Variants in ADK observed in about 807,000 individuals in gnomAD.
ADK encodes adenosine kinase.
Under a neutral mutation model 44.7 loss-of-function variants are expected in ADK, and 24 were observed. The ratio of observed to expected loss-of-function variants is 0.54; its 90% CI spans 0.39 to 0.76. The LOEUF is 0.76. Among genes scored for constraint, ADK ranks in the 30% least tolerant of loss-of-function variants. The pLI, the probability that ADK is intolerant of heterozygous loss-of-function variation, is 0.00. For synonymous variants in ADK, 128 were observed against 142.6 expected, an observed-to-expected ratio of 0.90 and a Z score of 0.73; for missense variants, 321 against 425.1, an observed-to-expected ratio of 0.76 and a Z score of 2.15.
At position 74,297,036 on chromosome 10, in the gene ADK, A is replaced by G. The variant is rs113042037; in HGVS notation, c.195-17631A>G. ...TCTAGAGACTAGGTTGTAGCTACCC[A>G]ATGGAAAACTATGTAGCCACTAAAA... On this transcript the variant is annotated intron_variant, in intron 3 of 10. Transcript: ENST00000539909. 7.2e-5 allele frequency among the ~76,000 whole-genome samples: 11 copies of G among 152,348 alleles called. 1 individual carries two copies. Among genetic ancestry groups the G allele is most frequent in the African/African-American group, 2.2e-4 (9 of 41,570 alleles).
chr10:74,180,897 G>A (rs1842530669), intron 1 of ADK, among the ~76,000 whole-genome samples: 2 of 152,186 alleles, frequency 1.3e-5, no homozygotes, highest in African/African-American at 4.8e-5. Context: ...AAATAACTCA[G>A]TAGCAGAGAT....
chr10:74,177,943 A>ATTTT (rs71475261), intron 1 of ADK, among the ~76,000 whole-genome samples: 77 of 56,832 alleles, frequency 1.4e-3, no homozygotes, highest in African/African-American at 2.9e-3. Flanking sequence ...ATATATATAT[A>ATTTT]TATTTTTTTT....
chr10:74,366,590 A>G (rs993623292), intron 4 of ADK, among the ~76,000 whole-genome samples: 1 of 152,212 alleles, frequency 6.6e-6, no homozygotes, highest in Non-Finnish European at 1.5e-5. Flanking sequence ...ATTTGTAGAT[A>G]TGTCATACAT....
chr10:74,389,508 T>G (rs1252579648), intron 4 of ADK, among the ~76,000 whole-genome samples: 1 of 152,168 alleles, frequency 6.6e-6, no homozygotes, highest in African/African-American at 2.4e-5. Context: ...TTTAAAAATC[T>G]ATTTCATTCT....
At chr10:74,667,544 T>C (rs1178364080) in intron 9 of ADK, among the ~76,000 whole-genome samples, 1 of 151,540 alleles carries the variant, frequency 6.6e-6, no homozygotes, top group Non-Finnish European at 1.5e-5. Flanking sequence ...TTTTTTTTTT[T>C]TCCTCCGAGA....
chr10:74,413,748 TGA>T (rs1287333470), intron 6 of ADK, among the ~76,000 whole-genome samples: 1 of 152,228 alleles, frequency 6.6e-6, no homozygotes, highest in Non-Finnish European at 1.5e-5. Flanking sequence ...CTGTTTGTTG[TGA>T]GAGGTCAAAC....
intron 1 of ADK, among the ~76,000 whole-genome samples, chr10:74,165,242 A>G (rs1842005725): frequency 1.3e-5 from 2 of 152,064 alleles, no homozygotes; most frequent in South Asian, 4.1e-4. Context: ...CATATTTTAG[A>G]CTTTTTAGAT....
intron 6 of ADK, among the ~76,000 whole-genome samples, chr10:74,504,502 T>C (rs983235821): frequency 6.6e-6 from 1 of 152,216 alleles, no homozygotes; most frequent in South Asian, 2.1e-4. Flanking sequence ...ACATTAATCA[T>C]TGATGAACAT....
At chr10:74,209,720 C>T (rs1843737463) in intron 2 of ADK, among the ~76,000 whole-genome samples, 1 of 151,450 alleles carries the variant, frequency 6.6e-6, no homozygotes, top group African/African-American at 2.4e-5. Context: ...CTGTCCCTCC[C>T]ACCAAAAAAA....
intron 3 of ADK, among the ~76,000 whole-genome samples, chr10:74,266,740 A>G (rs568844663): frequency 6.6e-6 from 1 of 152,300 alleles, no homozygotes; most frequent in African/African-American, 2.4e-5. Flanking sequence ...CTGTGTTTTA[A>G]AAGTAATAGT....
chr10:74,647,007 T>C (rs1214997103), intron 9 of ADK, among the ~76,000 whole-genome samples: 2 of 152,066 alleles, frequency 1.3e-5, no homozygotes, highest in African/African-American at 4.8e-5. Context: ...GGTTAGAGTC[T>C]CCTCCCCATC....
At chr10:74,630,923 G>A (rs1853391958) in intron 9 of ADK, among the ~76,000 whole-genome samples, 1 of 141,684 alleles carries the variant, frequency 7.1e-6, no homozygotes, top group African/African-American at 2.8e-5. Flanking sequence ...ATTTACTTAT[G>A]TCATATGGAC....
At chr10:74,541,795 C>CCCG (rs1564782540) in intron 7 of ADK, among the ~76,000 whole-genome samples, 2 of 19,306 alleles carry the variant, frequency 1.0e-4, no homozygotes, top group Non-Finnish European at 3.0e-4. Flanking sequence ...CCCCCACACA[C>CCCG]CCCCCCCCCC....
At chr10:74,423,543 C>T (rs1162311003) in intron 6 of ADK, 2 of 223,384 alleles carry the variant, frequency 9.0e-6, no homozygotes, top group Non-Finnish European at 1.9e-5. Context: ...ATCTTCTTAG[C>T]TCTCGCCGTG....
chr10:74,225,818 A>G (rs143450761), intron 3 of ADK, among the ~76,000 whole-genome samples: 2 of 152,228 alleles, frequency 1.3e-5, no homozygotes, highest in African/African-American at 4.8e-5. Flanking sequence ...TTCCTAGTAT[A>G]GTCAGTGAGG....
Position 74,249,900 on chromosome 10 carries a change from A to G in ADK, c.194+25309A>G, listed in dbSNP as rs572508772. 3.9e-5 allele frequency among the ~76,000 whole-genome samples: 6 copies of G among 152,326 alleles called. No homozygotes were observed. In the East Asian group the frequency reaches 1.2e-3, roughly 29 times the overall value. On this transcript the variant is annotated intron_variant, in intron 3 of 10. Coordinates refer to ENST00000539909, the MANE Select transcript of ADK (RefSeq NM_006721.4). ...TAAAGCCCTATTTTAGACACTGAATACAGTGCCAGACAGTAATTTTCCTGC... is the reference window on the plus strand; with the variant it reads ...TAAAGCCCTATTTTAGACACTGAATGCAGTGCCAGACAGTAATTTTCCTGC...
At chr10:74,454,946 G>T (rs898755762) in intron 6 of ADK, among the ~76,000 whole-genome samples, 3 of 152,070 alleles carry the variant, frequency 2.0e-5, no homozygotes, top group Admixed American at 6.5e-5. Context: ...TCAAAAAACA[G>T]TTACCAGGTT....
At chr10:74,539,438 A>G (rs902429289) in intron 7 of ADK, among the ~76,000 whole-genome samples, 7 of 152,210 alleles carry the variant, frequency 4.6e-5, no homozygotes, top group Non-Finnish European at 1.0e-4. Flanking sequence ...TCATATCAGA[A>G]TATTTCCCCC....
chr10:74,189,497 T>G (rs927469267), intron 1 of ADK, among the ~76,000 whole-genome samples: 1 of 152,172 alleles, frequency 6.6e-6, no homozygotes, highest in Non-Finnish European at 1.5e-5. Flanking sequence ...TTATGTATCT[T>G]TTATTAAATA....
Sources: allele counts gnomAD v4.1 joint callset (sites outside exome capture counted in the v4.1 genomes callset), GRCh38; gene constraint gnomAD v4.1.1; transcripts MANE v1.5; gene names NCBI Gene and HGNC (gene_info 2026-07-23, HGNC 2026-07-21).